SNX29: variants seen among roughly 807,000 people sequenced by gnomAD.
The protein encoded by SNX29 is sorting nexin-29.
A neutral mutation model predicts 102.1 loss-of-function variants in SNX29; 78 were observed. The observed-to-expected ratio is 0.76, with a 90% CI of 0.64 to 0.92. The LOEUF (loss-of-function observed/expected upper bound fraction) is 0.92. Ranked by LOEUF, SNX29 falls within the 40% of genes least tolerant of loss-of-function variation. The pLI is 0.00. For synonymous variants in SNX29, 580 were observed against 414.5 expected, an observed-to-expected ratio of 1.40 and a Z score of -4.85; for missense variants, 1,280 against 1,061.7, an observed-to-expected ratio of 1.21 and a Z score of -2.86.
chr16:12,527,240 C>G (rs1232379206), intron 20 of SNX29: 1 of 533,888 alleles, frequency 1.9e-6, no homozygotes, highest in East Asian at 3.9e-5. Context: ...CACAGCCAAG[C>G]CTTACCCGTG....
intron 20 of SNX29, among the ~76,000 whole-genome samples, chr16:12,555,620 T>C (rs762304565): frequency 1.3e-5 from 2 of 151,786 alleles, no homozygotes; most frequent in African/African-American, 2.4e-5. Flanking sequence ...CCAGTGTGCA[T>C]GCCACACCTG....
At chr16:12,558,940 T>C (rs1190118354) in intron 20 of SNX29, among the ~76,000 whole-genome samples, 1 of 152,214 alleles carries the variant, frequency 6.6e-6, no homozygotes, top group Non-Finnish European at 1.5e-5. Context: ...GGTGGGTTGA[T>C]ATCGGCCCCA....
intron 8 of SNX29, chr16:12,060,837 G>T (rs1392594612): frequency 4.4e-6 from 2 of 456,200 alleles, no homozygotes; most frequent in Non-Finnish European, 8.8e-6. Context: ...TTTGTACTTT[G>T]TGGGTAAGGT....
chr16:12,378,351 T>C (rs778732652), intron 16 of SNX29, among the ~76,000 whole-genome samples: 4 of 152,140 alleles, frequency 2.6e-5, no homozygotes, highest in Non-Finnish European at 5.9e-5. Flanking sequence ...CAACCAGCTC[T>C]TGGAGAAATA....
At chr16:12,464,229 CGT>C (rs138917966) in intron 18 of SNX29, among the ~76,000 whole-genome samples, 11 of 140,890 alleles carry the variant, frequency 7.8e-5, no homozygotes, top group Non-Finnish European at 8.0e-5. Flanking sequence ...TATTCCATGG[CGT>C]GTGTGTGTGT....
intron 13 of SNX29, among the ~76,000 whole-genome samples, chr16:12,192,182 G>A (rs2076659279): frequency 6.6e-6 from 1 of 152,170 alleles, no homozygotes; most frequent in African/African-American, 2.4e-5. Flanking sequence ...GCAGTCGTTG[G>A]AAGCTGTTTG....
intron 5 of SNX29, among the ~76,000 whole-genome samples, chr16:12,044,821 T>G (rs1456797012): frequency 6.6e-6 from 1 of 152,186 alleles, no homozygotes; most frequent in Non-Finnish European, 1.5e-5. Context: ...GACCTCGTGA[T>G]CCTCCCGCCT....
intron 19 of SNX29, among the ~76,000 whole-genome samples, chr16:12,483,537 G>A (rs957043358): frequency 6.6e-6 from 1 of 151,734 alleles, no homozygotes; most frequent in Non-Finnish European, 1.5e-5. Context: ...GGCTGGTCTC[G>A]AACTCCTGAG....
intron 20 of SNX29, among the ~76,000 whole-genome samples, chr16:12,543,726 G>T (rs1000714013): frequency 6.6e-6 from 1 of 152,338 alleles, no homozygotes; most frequent in East Asian, 1.9e-4. Context: ...AATGAATTTT[G>T]GCATTGCAGT....
rs538310578 is a variant in SNX29, at chr16:12,358,679, G to A, written c.1899+2400G>A. ...ACCCTGGAGGAAAGAATACTGCACA[G>A]AGAAGCCAGGAAGCATCTGGACAGA... is the stretch of plus-strand genomic sequence containing the variant. On this transcript the variant is annotated intron_variant, in intron 16 of 20. Coordinates refer to ENST00000566228, the MANE Select transcript of SNX29 (RefSeq NM_032167.5). 3.9e-5 allele frequency among the ~76,000 whole-genome samples: 6 copies of A among 152,346 alleles called. No homozygotes were observed. The South Asian group carries it at 1.0e-3, about 26-fold the overall frequency.
chr16:12,491,251 A>G (rs1399455921), intron 19 of SNX29, among the ~76,000 whole-genome samples: 1 of 152,182 alleles, frequency 6.6e-6, no homozygotes, highest in Admixed American at 6.5e-5. Context: ...CTTGGTATAC[A>G]TGTTTGAGAC....
chr16:12,460,931 G>A (rs1053741176), intron 18 of SNX29, among the ~76,000 whole-genome samples: 3 of 152,160 alleles, frequency 2.0e-5, no homozygotes, highest in Non-Finnish European at 4.4e-5. Context: ...GTGAGCCACC[G>A]TACCCAGCCA....
chr16:12,517,384 C>T (rs549705653), intron 19 of SNX29, among the ~76,000 whole-genome samples: 2 of 152,328 alleles, frequency 1.3e-5, no homozygotes, highest in East Asian at 1.9e-4. Flanking sequence ...GATGGGGCCT[C>T]TGAAGGCCTA....
intron 15 of SNX29, among the ~76,000 whole-genome samples, chr16:12,300,479 C>T (rs1437906167): frequency 3.3e-5 from 5 of 152,058 alleles, no homozygotes; most frequent in Admixed American, 3.3e-4. Context: ...TTGTGTTTTG[C>T]CTTAGTGTTT....
Position 12,046,366 on chromosome 16 carries a change from T to C in SNX29, c.429-18T>C. 1 of 1,612,900 alleles carries C rather than the reference T, an allele frequency of 6.2e-7. No homozygotes were observed. Among genetic ancestry groups the C allele is most frequent in the Non-Finnish European group, 8.5e-7 (1 of 1,179,112 alleles). On this transcript the variant is annotated intron_variant, in intron 5 of 20. Transcript: ENST00000566228. Reference sequence around the variant, plus strand: ...AACCACTGCTAAGAACGATTTCCTTTTCTCTTTCAATCTGCAGCACTTTTT... The same window carrying C: ...AACCACTGCTAAGAACGATTTCCTTCTCTCTTTCAATCTGCAGCACTTTTT...
chr16:12,444,226 A>G (rs992793932), intron 18 of SNX29, among the ~76,000 whole-genome samples: 2 of 151,480 alleles, frequency 1.3e-5, no homozygotes, highest in African/African-American at 4.9e-5. Context: ...AGCCCCTAGC[A>G]TGTGGTAAGC....
intron 18 of SNX29, among the ~76,000 whole-genome samples, chr16:12,465,543 G>T (rs1293857121): frequency 6.6e-6 from 1 of 152,042 alleles, no homozygotes; most frequent in Non-Finnish European, 1.5e-5. Context: ...TTACTTCTGG[G>T]CTTTGTTCTG....
intron 13 of SNX29, among the ~76,000 whole-genome samples, chr16:12,163,394 G>A (rs965713931): frequency 2.6e-5 from 4 of 152,108 alleles, no homozygotes; most frequent in Non-Finnish European, 5.9e-5. Flanking sequence ...TGTGTTTGAC[G>A]GACTAGACTC....
chr16:12,526,579 G>A (rs868089172), intron 20 of SNX29: 19 of 529,800 alleles, frequency 3.6e-5, no homozygotes, highest in African/African-American at 1.3e-4. Flanking sequence ...GGAAATGGCC[G>A]CGATAGTTCA....
Sources: allele counts gnomAD v4.1 joint callset (sites outside exome capture counted in the v4.1 genomes callset), GRCh38; gene constraint gnomAD v4.1.1; transcripts MANE v1.5; gene names NCBI Gene and HGNC (gene_info 2026-07-23, HGNC 2026-07-21).